The following PLA2G4D variants were observed in gnomAD, a reference collection of about 807,000 sequenced individuals.
PLA2G4D encodes the protein phospholipase A2 group IVD, also known as cytosolic phospholipase A2 delta.
Under a neutral mutation model 94.4 loss-of-function variants are expected in PLA2G4D, and 80 were observed. The ratio of observed to expected loss-of-function variants is 0.85; its 90% CI spans 0.71 to 1.02. The LOEUF is 1.02. Ranked by LOEUF, PLA2G4D falls within the 50% of genes least tolerant of loss-of-function variation. The pLI, the probability that PLA2G4D is intolerant of heterozygous loss-of-function variation, is 0.00. For synonymous variants in PLA2G4D, 438 were observed against 440.9 expected (o/e 0.99, Z 0.08); for missense variants, 1,050 against 1,034.7 (o/e 1.01, Z -0.20).
At chr15:42,073,514 C>T (rs2036899502) in intron 13 of PLA2G4D, among the ~76,000 whole-genome samples, 1 of 152,182 alleles carries the variant, frequency 6.6e-6, no homozygotes, top group Non-Finnish European at 1.5e-5. Context: ...TGCTGTCAGC[C>T]CTGGGCTGTT....
At chr15:42,085,073 C>T (rs367765701) in intron 6 of PLA2G4D, 23 bp downstream of exon 6, 317 of 1,613,990 alleles carry the variant, frequency 2.0e-4, no homozygotes, top group Non-Finnish European at 2.5e-4. Context: ...GGCCCCTCCC[C>T]TAAGCCTGGG....
At position 42,086,194 on chromosome 15, in the gene PLA2G4D, T is replaced by TGGGGGGGGC; in HGVS notation, c.387+18_387+19insGCCCCCCCC. On this transcript the variant is annotated intron_variant, in intron 4 of 19. Coordinates refer to ENST00000290472, the MANE Select transcript of PLA2G4D (RefSeq NM_178034.4). Reference sequence around the variant, plus strand: ...GGAAGAAGTGGGGCCCACGGGGACTTCCCCACCCACCCACCCACCTGGGGA... The same window carrying TGGGGGGGGC: ...GGAAGAAGTGGGGCCCACGGGGACTTGGGGGGGGCCCCCACCCACCCACCCACCTGGGGA... 157 of 1,370,306 alleles carry TGGGGGGGGC rather than the reference T, an allele frequency of 1.1e-4. No individual in the cohort carries two copies. The highest frequency in any genetic ancestry group is 1.3e-4 in the Non-Finnish European group (134 of 1,042,960). 84.9% of individuals were successfully genotyped at this position (1,370,306 alleles called of 1,614,324 possible). A position where few individuals can be genotyped will look rare whatever the true frequency, so the allele number is the denominator to read the frequency against.
chr15:42,083,305 G>C lies in PLA2G4D; in HGVS notation c.565C>G (p.Leu189Val). The stretch of plus-strand genomic sequence containing the variant: ...TGTGTGTCCTCATAGGACCCCTTCA[G>C]CACCAGCTCCAGCTCCAGCTTGTCC... Reference protein sequence around the residue: ...DQDKLELELVLKGSYEDTQTS... With the variant: ...DQDKLELELVVKGSYEDTQTS... Residue 189 changes from leucine to valine, a missense_variant, in exon 8 of 20, where the codon CTG becomes GTG. By Grantham distance (32) the Leu-to-Val change is conservative. Transcript: ENST00000290472. The C allele has an allele frequency of 6.2e-7, 1 of 1,614,022 alleles. No homozygotes were observed. The highest frequency in any genetic ancestry group is 8.5e-7 in the Non-Finnish European group (1 of 1,179,962).
Position 42,082,348 on chromosome 15 carries a change from C to A in PLA2G4D, c.714G>T (p.Gly238=), listed in dbSNP as rs144813410. The change falls in exon 9 of 20, where the codon GGG becomes GGT. Residue 238 remains glycine, a synonymous_variant. Coordinates refer to ENST00000290472, the MANE Select transcript of PLA2G4D (RefSeq NM_178034.4). ...SNGWNGDNSA[G]YLTVPLRPLT... ...AGGGCCTCAGGGGCACAGTGAGGTA[C>A]CCAGCTGAGTTGTCCCCATTCCAGC... 8.6e-4 allele frequency: 1,388 copies of A among 1,614,164 alleles called. 5 individuals are homozygous for A. The highest frequency in any genetic ancestry group is 1.1e-3 in the Non-Finnish European group (1,264 of 1,180,026).
In PLA2G4D at chr15:42,081,469, A is replaced by G; in HGVS notation, c.957+10T>C. On this transcript the variant is annotated intron_variant, in intron 11 of 19. Coordinates refer to ENST00000290472, the MANE Select transcript of PLA2G4D (RefSeq NM_178034.4). ...GATATCTGCACACACATCCCTCTGCACCCCCAGACCTCATCCTCCTGCAGG... is the reference window on the plus strand; with the variant it reads ...GATATCTGCACACACATCCCTCTGCGCCCCCAGACCTCATCCTCCTGCAGG... The G allele has an allele frequency of 6.2e-7, 1 of 1,611,952 alleles. No homozygotes were observed. Among genetic ancestry groups the G allele is most frequent in the Non-Finnish European group, 8.5e-7 (1 of 1,179,010 alleles).
At chr15:42,087,823 C>G (rs1890181186) in intron 1 of PLA2G4D, 123 bp from the exon 2 acceptor site, 6 of 1,009,076 alleles carry the variant, frequency 5.9e-6, no homozygotes. Context: ...ACACCCCTGC[C>G]AGGCGTTCCG....
Position 42,070,826 on chromosome 15 carries a change from A to G in PLA2G4D, c.1934T>C (p.Leu645Pro), listed in dbSNP as rs777661630. The stretch of plus-strand genomic sequence containing the variant: ...GTTGATGAAGTAGGCGGCGTCCACC[A>G]GGCAGAGCCGGGGCTCCTTGGGGGT... ...QLTPKEPRLC[L>P]VDAAYFINTS... Residue 645 changes from leucine (L) to proline (P), a missense_variant, in exon 18 of 20, where the codon CTG (leucine) becomes CCG (proline). Coordinates refer to ENST00000290472, the MANE Select transcript of PLA2G4D (RefSeq NM_178034.4). 1.9e-6 allele frequency: 3 copies of G among 1,611,294 alleles called. No individual in the cohort carries two copies. The highest frequency in any genetic ancestry group is 2.5e-6 in the Non-Finnish European group (3 of 1,178,852).
intron 5 of PLA2G4D, 131 bp from the exon 6 acceptor site, chr15:42,085,269 G>T (rs2141101297): frequency 1.7e-6 from 2 of 1,144,208 alleles, no homozygotes; most frequent in Non-Finnish European, 2.6e-6. Context: ...AAGGGGAGAT[G>T]CTTTGCAGGA....
chr15:42,081,213 C>T, intron 11 of PLA2G4D, 80 bp from the exon 12 acceptor site: 1 of 1,553,474 alleles, frequency 6.4e-7, no homozygotes, highest in Non-Finnish European at 8.7e-7. Flanking sequence ...CTGCCCCGCT[C>T]CTTGTCTCCA....
At chr15:42,085,917 C>G (rs1890134770) in intron 4 of PLA2G4D, among the ~76,000 whole-genome samples, 1 of 152,228 alleles carries the variant, frequency 6.6e-6, no homozygotes, top group African/African-American at 2.4e-5. Flanking sequence ...GGACGTGAGG[C>G]CTTCACAAAG....
chr15:42,081,331 T>A (rs1890033597), intron 11 of PLA2G4D, 148 bp downstream of exon 11: 1 of 1,438,880 alleles, frequency 6.9e-7, no homozygotes, highest in Admixed American at 2.2e-5. Context: ...CCAAGGGAGT[T>A]AGAACCACAA....
At chr15:42,088,991 C>A (rs1440973353) in intron 1 of PLA2G4D, among the ~76,000 whole-genome samples, 2 of 152,206 alleles carry the variant, frequency 1.3e-5, no homozygotes, top group African/African-American at 4.8e-5. Context: ...AGAAAAAAAC[C>A]CGTGCTGGGG....
intron 17 of PLA2G4D, 45 bp downstream of exon 17, chr15:42,071,078 G>A: frequency 1.3e-6 from 2 of 1,589,846 alleles, no homozygotes; most frequent in South Asian, 2.3e-5. Flanking sequence ...ACACCACCCA[G>A]AGGCCCAACC....
Position 42,087,322 on chromosome 15 carries a change from AAAC to A in PLA2G4D, c.230_232del (p.Arg77_Phe78delinsLeu). On this transcript the variant is annotated inframe_deletion, in exon 3 of 20. Transcript: ENST00000290472. ...CACCTTGACCTGACTTTGGATAAGG[AAAC>A]GGAAGGCCTCATTCCACACAGGATG... is the stretch of plus-strand genomic sequence containing the variant. The A allele has an allele frequency of 2.5e-6, 4 of 1,614,118 alleles. No individual in the cohort carries two copies.
chr15:42,068,692 G>T lies in PLA2G4D; in HGVS notation c.*23C>A. The stretch of plus-strand genomic sequence containing the variant: ...CAGGTTATGCCCGCAGGCCCTGGAG[G>T]GTCCTGCAGCCTCTGAGCAACCTCA... On this transcript the variant is annotated 3_prime_UTR_variant, in exon 20 of 20. Coordinates refer to ENST00000290472, the MANE Select transcript of PLA2G4D (RefSeq NM_178034.4). 2 of 1,581,508 alleles carry T rather than the reference G, an allele frequency of 1.3e-6. No individual in the cohort carries two copies. The highest frequency in any genetic ancestry group is 2.3e-5 in the East Asian group (1 of 43,178).
chr15:42,087,780 C>G, intron 1 of PLA2G4D, 80 bp from the exon 2 acceptor site: 1 of 1,413,482 alleles, frequency 7.1e-7, no homozygotes. Flanking sequence ...CTGCCGACAC[C>G]CCTCACCACT....
In PLA2G4D at chr15:42,084,540, C is replaced by G. The variant is rs968522348; in HGVS notation, c.471+556G>C. ...TGCTGGTCTGGGTCACTGTGATAAT[C>G]GAGCGCGTCGCCCGCTCGCCACCTT... On this transcript the variant is annotated intron_variant, in intron 6 of 19. Coordinates refer to ENST00000290472, the MANE Select transcript of PLA2G4D (RefSeq NM_178034.4). The surrounding 1 kb of genome is among the most constrained non-coding windows in gnomAD (Gnocchi z 4.8). 3.4e-4 allele frequency among the ~76,000 whole-genome samples: 52 copies of G among 152,166 alleles called. No homozygotes were observed. Among genetic ancestry groups the G allele is most frequent in the African/African-American group, 1.2e-3 (48 of 41,430 alleles).
intron 3 of PLA2G4D, 71 bp downstream of exon 3, chr15:42,087,229 C>T (rs972002358): frequency 6.3e-7 from 1 of 1,595,392 alleles, no homozygotes. Flanking sequence ...GAAGCATGCT[C>T]TACCCCAGGA....
rs543748760 is a variant in PLA2G4D at position 42,073,656 on chromosome 15, G to A, written c.1318-1264C>T. On this transcript the variant is annotated intron_variant, in intron 13 of 19. Transcript: ENST00000290472. ...ATCATCAGAGTGACTCAGTGAATGT[G>A]TACACGTGAGAGCATGTGAAGCATG... is the stretch of plus-strand genomic sequence containing the variant. 7.9e-5 allele frequency among the ~76,000 whole-genome samples: 12 copies of A among 152,314 alleles called. No homozygotes were observed. In the South Asian group the frequency reaches 2.5e-3, roughly 32 times the overall value.
Sources: gnomAD v4.1 joint callset for allele counts (sites outside exome capture counted in the v4.1 genomes callset) on GRCh38, gnomAD v4.1.1 for gene constraint, Gnocchi (gnomAD v3.1) non-coding constraint, MANE v1.5 for transcripts, NCBI Gene and HGNC (gene_info 2026-07-23, HGNC 2026-07-21) for gene names.